Variants in UNC5D observed in about 807,000 individuals in gnomAD.
The protein encoded by UNC5D is netrin receptor UNC5D.
A neutral mutation model predicts 105.4 loss-of-function variants in UNC5D; 39 were observed. The observed-to-expected ratio is 0.37, with a 90% CI of 0.29 to 0.48. The LOEUF is 0.48. Among genes scored for constraint, UNC5D ranks in the 20% least tolerant of loss-of-function variants. The pLI is 0.98. For missense variants in UNC5D, 991 were observed against 1,202.4 expected (o/e 0.82, Z 2.60); for synonymous variants, 452 against 450.4 (o/e 1.00, Z -0.04).
chr8:35,459,285 T>C (rs1434162276), intron 1 of UNC5D, among the ~76,000 whole-genome samples: 2 of 152,038 alleles, frequency 1.3e-5, no homozygotes, highest in African/African-American at 2.4e-5. Flanking sequence ...GTCAGTTAGG[T>C]GAGGGTGGAG....
chr8:35,511,576 A>G (rs998290388), intron 1 of UNC5D, among the ~76,000 whole-genome samples: 1 of 151,672 alleles, frequency 6.6e-6, no homozygotes, highest in Admixed American at 6.6e-5. Flanking sequence ...AAAGGTCGAG[A>G]GGAGTTAAGT....
At chr8:35,558,001 G>GA (rs1563533539) in intron 2 of UNC5D, among the ~76,000 whole-genome samples, 2 of 151,800 alleles carry the variant, frequency 1.3e-5, no homozygotes, top group Non-Finnish European at 2.9e-5. Context: ...ATGTGGTGGT[G>GA]GGCACCTATA....
chr8:35,372,912 T>C (rs142040783), intron 1 of UNC5D, among the ~76,000 whole-genome samples: 286 of 152,312 alleles, frequency 1.9e-3, no homozygotes, highest in African/African-American at 6.3e-3. Flanking sequence ...TTAATATTTT[T>C]ATACACTCAA....
At chr8:35,540,450 T>C (rs1815194273) in intron 1 of UNC5D, among the ~76,000 whole-genome samples, 1 of 148,564 alleles carries the variant, frequency 6.7e-6, no homozygotes, top group Admixed American at 6.7e-5. Flanking sequence ...GAGGGGTGTG[T>C]GTGTGTGTGT....
chr8:35,414,680 G>T (rs959166832), intron 1 of UNC5D, among the ~76,000 whole-genome samples: 18 of 151,968 alleles, frequency 1.2e-4, no homozygotes, highest in African/African-American at 4.4e-4. Flanking sequence ...TGTCTTATTT[G>T]TCACATTTAC....
intron 1 of UNC5D, among the ~76,000 whole-genome samples, chr8:35,304,224 G>A (rs922634903): frequency 1.3e-5 from 2 of 151,804 alleles, no homozygotes; most frequent in Non-Finnish European, 2.9e-5. Flanking sequence ...CTCAATAATG[G>A]CCTCTCTGAT....
intron 1 of UNC5D, among the ~76,000 whole-genome samples, chr8:35,386,360 T>C (rs1803397730): frequency 6.6e-6 from 1 of 152,188 alleles, no homozygotes; most frequent in African/African-American, 2.4e-5. Flanking sequence ...TCAATTTAAA[T>C]AGGAAAATCA....
intron 1 of UNC5D, among the ~76,000 whole-genome samples, chr8:35,240,119 G>C (rs1473502191): frequency 1.3e-5 from 2 of 151,912 alleles, no homozygotes; most frequent in Admixed American, 1.3e-4. Flanking sequence ...TTTTGTGTGT[G>C]TTTGTTTGTT....
chr8:35,495,458 CAAAAAAAAAAAA>C (rs71547636), intron 1 of UNC5D, among the ~76,000 whole-genome samples: 80 of 44,624 alleles, frequency 1.8e-3, no homozygotes, highest in African/African-American at 7.6e-3. Context: ...ACAACAACAA[CAAAAAAAAAAAA>C]AAAAAAAAAA....
chr8:35,447,146 G>A (rs1448349717), intron 1 of UNC5D, among the ~76,000 whole-genome samples: 1 of 152,020 alleles, frequency 6.6e-6, no homozygotes, highest in Non-Finnish European at 1.5e-5. Flanking sequence ...AAGTTTTCAT[G>A]GTGGCACAGA....
chr8:35,323,268 A>C (rs1282339770), intron 1 of UNC5D, among the ~76,000 whole-genome samples: 1 of 151,322 alleles, frequency 6.6e-6, no homozygotes, highest in East Asian at 1.9e-4. Flanking sequence ...GGACCATATA[A>C]AAGTAATCAG....
At chr8:35,773,049 T>C (rs1187738753) in intron 15 of UNC5D, among the ~76,000 whole-genome samples, 1 of 152,158 alleles carries the variant, frequency 6.6e-6, no homozygotes, top group Non-Finnish European at 1.5e-5. Flanking sequence ...CCTGATTAGG[T>C]CAGGCCCACC....
In UNC5D at chr8:35,644,241, G is replaced by A. The variant is rs74809700; in HGVS notation, c.571-39306G>A. Among the ~76,000 whole-genome samples, 31 of 152,262 alleles carry A rather than the reference G, an allele frequency of 2.0e-4. No individual in the cohort carries two copies. The East Asian group carries it at 6.0e-3, about 29-fold the overall frequency. On this transcript the variant is annotated intron_variant, in intron 4 of 16. Coordinates refer to ENST00000404895, the MANE Select transcript of UNC5D (RefSeq NM_080872.4). ...TCCTTTTTCAGTAAGTGGGAAGGGA[G>A]GGTTGAGACAGAAGTGGTTAACAGA...
intron 1 of UNC5D, among the ~76,000 whole-genome samples, chr8:35,307,451 T>C (rs139679549): frequency 3.9e-4 from 60 of 152,238 alleles, no homozygotes; most frequent in Non-Finnish European, 6.0e-4. Flanking sequence ...TATTAAGTAT[T>C]ATACGACATG....
At chr8:35,285,463 G>T (rs897368370) in intron 1 of UNC5D, among the ~76,000 whole-genome samples, 1 of 152,196 alleles carries the variant, frequency 6.6e-6, no homozygotes, top group African/African-American at 2.4e-5. Flanking sequence ...AGTGTTCTAT[G>T]AATATGTGAA....
chr8:35,305,094 C>T (rs974107624), intron 1 of UNC5D, among the ~76,000 whole-genome samples: 3 of 152,038 alleles, frequency 2.0e-5, no homozygotes, highest in Admixed American at 1.3e-4. Context: ...ATAATTTCAA[C>T]CTTATCATTT....
At chr8:35,326,192 G>C (rs2128890359) in intron 1 of UNC5D, among the ~76,000 whole-genome samples, 1 of 152,292 alleles carries the variant, frequency 6.6e-6, no homozygotes, top group Non-Finnish European at 1.5e-5. Flanking sequence ...CCCCTTGACT[G>C]GAATGTTCAG....
In UNC5D at chr8:35,268,770, T is replaced by G. The variant is rs377407725; in HGVS notation, c.103+32883T>G. On this transcript the variant is annotated intron_variant, in intron 1 of 16. Transcript: ENST00000404895. ...AATGCTCATAACACCCCTATGAAAA[T>G]GATACTGTTTATCTCTGCCTTAAGG... Among the ~76,000 whole-genome samples the G allele has an allele frequency of 3.0e-4, 46 of 152,260 alleles. No homozygotes were observed. The East Asian group carries it at 8.5e-3, about 28-fold the overall frequency.
At chr8:35,419,160 A>G (rs1263094876) in intron 1 of UNC5D, among the ~76,000 whole-genome samples, 3 of 152,210 alleles carry the variant, frequency 2.0e-5, no homozygotes, top group African/African-American at 7.2e-5. Flanking sequence ...AAGTTGTATG[A>G]CTGCCTTCCA....
Sources: allele counts gnomAD v4.1 joint callset (sites outside exome capture counted in the v4.1 genomes callset), GRCh38; gene constraint gnomAD v4.1.1; transcripts MANE v1.5; gene names NCBI Gene and HGNC (gene_info 2026-07-23, HGNC 2026-07-21).